CPED1: variants seen among roughly 807,000 people sequenced by gnomAD.
The protein encoded by CPED1 is cadherin-like and PC-esterase domain-containing protein 1.
In CPED1, 114 loss-of-function variants were observed where a neutral mutation model predicts 128.2. That is an observed-to-expected ratio of 0.89 (90% CI 0.76 to 1.04). The LOEUF is 1.04. CPED1 is among the 50% of genes least tolerant of loss of function. The pLI is 0.00. For missense variants in CPED1, 1,211 were observed against 1,207.1 expected (o/e 1.00, Z -0.05); for synonymous variants, 462 against 426.7 (o/e 1.08, Z -1.02).
intron 16 of CPED1, among the ~76,000 whole-genome samples, chr7:121,180,577 G>A (rs974349361): frequency 4.6e-5 from 7 of 151,984 alleles, no homozygotes; most frequent in Non-Finnish European, 7.4e-5. Flanking sequence ...GGTTCTCTCA[G>A]TGGGTCACAC....
chr7:121,015,923 C>A, intron 3 of CPED1, 75 bp downstream of exon 3: 1 of 1,081,812 alleles, frequency 9.2e-7, no homozygotes, highest in Non-Finnish European at 1.2e-6. Context: ...GTGCTACTAT[C>A]TCCCTCTAAA....
At chr7:121,274,942 GCTC>G (rs1792303112) in intron 22 of CPED1, among the ~76,000 whole-genome samples, 1 of 151,984 alleles carries the variant, frequency 6.6e-6, no homozygotes, top group African/African-American at 2.4e-5. Flanking sequence ...TCACCTCTGT[GCTC>G]ATCTTATGAG....
intron 16 of CPED1, among the ~76,000 whole-genome samples, chr7:121,235,750 C>G (rs1798238826): frequency 6.6e-6 from 1 of 152,192 alleles, no homozygotes; most frequent in South Asian, 2.1e-4. Flanking sequence ...AATAAACAAA[C>G]TAACAAACAG....
rs1584643542 is a variant in CPED1 at position 121,267,401 on chromosome 7, T to G, written c.2721+99T>G. On this transcript the variant is annotated intron_variant, in intron 21 of 22. Transcript: ENST00000310396. ...GGCACTATATAATATTGAGCAACCTTCATGAAAGTAAAAAAAAGAGATTGT... is the reference window on the plus strand; with the variant it reads ...GGCACTATATAATATTGAGCAACCTGCATGAAAGTAAAAAAAAGAGATTGT... The G allele has an allele frequency of 5.6e-6, 3 of 537,134 alleles. No homozygotes were observed. In the East Asian group the frequency reaches 1.0e-4, roughly 18 times the overall value. The allele number at this position is 537,134 out of a possible 1,614,324, so 33.3% of individuals were successfully genotyped here.
At position 121,161,968 on chromosome 7, in the gene CPED1, TCA is replaced by T. The variant is rs1796421851; in HGVS notation, c.2055+19832_2055+19833del. Reference sequence around the variant, plus strand: ...ACTATTGTCTATGATTGGAGTAACCTCACACAGTAGAGCAGTCTCTTGTAGTA... The same window carrying T: ...ACTATTGTCTATGATTGGAGTAACCTCACAGTAGAGCAGTCTCTTGTAGTA... On this transcript the variant is annotated intron_variant, in intron 16 of 22. Transcript: ENST00000310396. Among the ~76,000 whole-genome samples the T allele has an allele frequency of 1.3e-5, 2 of 152,224 alleles. 1 individual carries two copies. The highest frequency in any genetic ancestry group is 4.1e-4 in the South Asian group (2 of 4,832).
Position 121,120,966 on chromosome 7 carries a change from TAAAAA to T in CPED1, c.919-3348_919-3344del, listed in dbSNP as rs539242359. 1.3e-3 allele frequency among the ~76,000 whole-genome samples: 120 copies of T among 91,642 alleles called. 1 individual carries two copies. Among genetic ancestry groups the T allele is most frequent in the South Asian group, 5.9e-3 (16 of 2,692 alleles). The allele number at this position is 91,642 out of a possible 152,430, so 60.1% of individuals were successfully genotyped here. A position where few individuals can be genotyped will look rare whatever the true frequency, so the allele number is the denominator to read the frequency against. Reference sequence around the variant, plus strand: ...AGATAAAATAGGACAGTTCCTGACCTAAAAAAAAAAAAAAAAAAAAACAAAAAAAC... The same window carrying T: ...AGATAAAATAGGACAGTTCCTGACCTAAAAAAAAAAAAAAAACAAAAAAAC... On this transcript the variant is annotated intron_variant, in intron 7 of 22. Transcript: ENST00000310396.
rs148370748 is a variant in CPED1, at chr7:121,124,422, C to T, written c.1010C>T (p.Ala337Val). ...MKEAIGKLLL[A>V]AEVFSETSTL... Reference sequence around the variant, plus strand: ...GAAGCAATTGGCAAACTACTGCTAGCGGCTGAAGTATTCAGTGAAACATCT... The same window carrying T: ...GAAGCAATTGGCAAACTACTGCTAGTGGCTGAAGTATTCAGTGAAACATCT... Residue 337 changes from alanine to valine, a missense_variant, in exon 8 of 23, where the codon GCG becomes GTG. Transcript: ENST00000310396. 195 of 1,606,738 alleles carry T rather than the reference C, an allele frequency of 1.2e-4. No homozygotes were observed. In the African/African-American group the frequency reaches 1.8e-3, roughly 15 times the overall value.
At chr7:121,184,243 A>AT (rs527512125) in intron 16 of CPED1, among the ~76,000 whole-genome samples, 240 of 152,126 alleles carry the variant, frequency 1.6e-3, no homozygotes, top group African/African-American at 5.2e-3. Flanking sequence ...TGATTTAGCC[A>AT]TTTTTTTCTA....
intron 2 of CPED1, among the ~76,000 whole-genome samples, chr7:121,003,021 A>C (rs897163869): frequency 6.6e-6 from 1 of 152,204 alleles, no homozygotes; most frequent in Admixed American, 6.6e-5. Flanking sequence ...AAGTTTACAC[A>C]ATTCCTGGCA....
intron 16 of CPED1, among the ~76,000 whole-genome samples, chr7:121,142,394 A>C (rs920388148): frequency 3.3e-5 from 5 of 151,982 alleles, no homozygotes; most frequent in African/African-American, 1.2e-4. Context: ...TTCAAAAAAA[A>C]TGTCTGAGGA....
At chr7:121,260,133 C>T (rs1584638792) in intron 18 of CPED1, among the ~76,000 whole-genome samples, 2 of 151,302 alleles carry the variant, frequency 1.3e-5, no homozygotes, top group South Asian at 4.2e-4. Flanking sequence ...CTACAACAAT[C>T]CAGAGATAAT....
intron 5 of CPED1, among the ~76,000 whole-genome samples, chr7:121,082,499 T>C (rs563886804): frequency 6.6e-6 from 1 of 152,330 alleles, no homozygotes; most frequent in African/African-American, 2.4e-5. Context: ...TAGATAATTA[T>C]GGTGGGCTTT....
intron 5 of CPED1, chr7:121,076,711 T>C (rs750776938): frequency 6.6e-5 from 10 of 152,194 alleles, no homozygotes; most frequent in African/African-American, 4.8e-5. Context: ...ATTAGCTCTC[T>C]GGGAAGTGTC....
intron 16 of CPED1, among the ~76,000 whole-genome samples, chr7:121,234,439 G>A (rs1042142036): frequency 5.3e-5 from 8 of 151,916 alleles, no homozygotes; most frequent in Non-Finnish European, 1.2e-4. Context: ...TGACATTATA[G>A]CATATAGAAC....
At chr7:121,110,308 G>A (rs915147674) in intron 7 of CPED1, among the ~76,000 whole-genome samples, 1 of 152,126 alleles carries the variant, frequency 6.6e-6, no homozygotes, top group Non-Finnish European at 1.5e-5. Flanking sequence ...GTTTATTCTT[G>A]TATGGAATGA....
At chr7:121,252,934 G>A (rs77345085) in intron 18 of CPED1, among the ~76,000 whole-genome samples, 44,791 of 151,824 alleles carry the variant, frequency 0.3, 7,050 homozygotes, top group Middle Eastern at 0.43. Context: ...ACTAGAAATA[G>A]CATTTGACCC....
chr7:121,187,113 G>A (rs1337367623), intron 16 of CPED1, among the ~76,000 whole-genome samples: 3 of 152,158 alleles, frequency 2.0e-5, no homozygotes, highest in Non-Finnish European at 4.4e-5. Flanking sequence ...CTCTTGTGGA[G>A]TTTATAATAT....
At chr7:120,999,061 G>A (rs1192018057) in intron 2 of CPED1, among the ~76,000 whole-genome samples, 1 of 152,100 alleles carries the variant, frequency 6.6e-6, no homozygotes, top group Non-Finnish European at 1.5e-5. Flanking sequence ...AGTGAGCATT[G>A]AATAAATATT....
intron 2 of CPED1, among the ~76,000 whole-genome samples, chr7:120,995,966 CCTCCTTCTTCTT>C (rs1562985621): frequency 1.1e-5 from 1 of 87,052 alleles, no homozygotes; most frequent in Non-Finnish European, 2.5e-5. Context: ...TCCTCCTCCT[CCTCCTTCTTCTT>C]CTTCTTCTTC....
Sources: gnomAD v4.1 joint callset for allele counts (sites outside exome capture counted in the v4.1 genomes callset) on GRCh38, gnomAD v4.1.1 for gene constraint, MANE v1.5 for transcripts, NCBI Gene and HGNC (gene_info 2026-07-23, HGNC 2026-07-21) for gene names.